GPHN: variants seen among roughly 807,000 people sequenced by gnomAD.
GPHN encodes gephyrin.
A neutral mutation model predicts 95.5 loss-of-function variants in GPHN; 17 were observed. The ratio of observed to expected loss-of-function variants is 0.18; its 90% confidence interval spans 0.12 to 0.27. GPHN has a LOEUF of 0.27. Among genes scored for constraint, GPHN ranks in the 10% least tolerant of loss-of-function variants. GPHN has a pLI of 1.00. For missense variants in GPHN, 660 were observed against 978.1 expected (o/e 0.67, Z 4.34); for synonymous variants, 320 against 322.5 (o/e 0.99, Z 0.08).
intron 4 of GPHN, among the ~76,000 whole-genome samples, chr14:66,841,221 A>T (rs1180021742): frequency 6.6e-6 from 1 of 152,016 alleles, no homozygotes; most frequent in African/African-American, 2.4e-5. Flanking sequence ...TTAACCAGGG[A>T]GGGAGGATAG....
chr14:66,695,248 A>T (rs2068039627), intron 2 of GPHN, among the ~76,000 whole-genome samples: 1 of 152,194 alleles, frequency 6.6e-6, no homozygotes, highest in East Asian at 1.9e-4. Context: ...ACCAAAGAAG[A>T]TATACAGATG....
the GPHN span, among the ~76,000 whole-genome samples, chr14:67,698,004 A>C: frequency 1.3e-5 from 2 of 152,084 alleles, no homozygotes; most frequent in African/African-American, 2.4e-5. Flanking sequence ...TACACTAGGG[A>C]CAGTAAATAA....
At chr14:67,647,098 G>C in the GPHN span, 6 of 974,464 alleles carry the variant, frequency 6.2e-6, no homozygotes, top group Admixed American at 1.2e-4. Context: ...CTTGAGGACA[G>C]CAGCTTTACT....
At chr14:66,588,468 A>G (rs1229481698) in intron 1 of GPHN, among the ~76,000 whole-genome samples, 2 of 152,114 alleles carry the variant, frequency 1.3e-5, no homozygotes, top group Non-Finnish European at 2.9e-5. Flanking sequence ...TTCTAACCCA[A>G]TGCAAGAAGC....
intron 9 of GPHN, among the ~76,000 whole-genome samples, chr14:66,987,364 C>G (rs1028659591): frequency 3.9e-5 from 6 of 152,002 alleles, no homozygotes; most frequent in African/African-American, 1.4e-4. Flanking sequence ...GTACTGTAAA[C>G]TGGATTGTAT....
chr14:66,921,118 G>A (rs2066193319), intron 6 of GPHN, among the ~76,000 whole-genome samples: 1 of 152,168 alleles, frequency 6.6e-6, no homozygotes, highest in Non-Finnish European at 1.5e-5. Flanking sequence ...ATACCCAGTA[G>A]TGGGATTGCT....
At chr14:67,486,373 C>T in the GPHN span, among the ~76,000 whole-genome samples, 251 of 152,366 alleles carry the variant, frequency 1.6e-3, 1 homozygote, top group East Asian at 0.035. Context: ...CTCCCAGGTT[C>T]AAGCGATTCT....
chr14:67,208,984 TA>T, the GPHN span, among the ~76,000 whole-genome samples: 51 of 150,886 alleles, frequency 3.4e-4, no homozygotes, highest in African/African-American at 1.2e-3. Context: ...TGATGTACCA[TA>T]AAAAAATTTC....
the GPHN span, among the ~76,000 whole-genome samples, chr14:67,483,411 C>T: frequency 5.3e-5 from 8 of 152,318 alleles, no homozygotes; most frequent in East Asian, 1.9e-4. Context: ...GCACTGCCCC[C>T]GAGGCTGACT....
intron 10 of GPHN, among the ~76,000 whole-genome samples, chr14:67,046,819 C>T (rs2075042329): frequency 6.6e-6 from 1 of 152,164 alleles, no homozygotes; most frequent in Non-Finnish European, 1.5e-5. Context: ...CAAACTCTAC[C>T]ATTGCCAGTG....
At chr14:66,508,869 C>G (rs2057905035) in intron 1 of GPHN, among the ~76,000 whole-genome samples, 1 of 152,134 alleles carries the variant, frequency 6.6e-6, no homozygotes, top group Non-Finnish European at 1.5e-5. Flanking sequence ...ACCGAGGGGC[C>G]GGTGCGGAGG....
At chr14:66,659,459 T>C (rs576756605) in intron 1 of GPHN, among the ~76,000 whole-genome samples, 59 of 152,292 alleles carry the variant, frequency 3.9e-4, no homozygotes, top group Non-Finnish European at 7.9e-4. Flanking sequence ...GTTGATACTG[T>C]TGAGTTCTTC....
At chr14:67,412,074 G>A in the GPHN span, 2 of 1,534,944 alleles carry the variant, frequency 1.3e-6, no homozygotes. Flanking sequence ...CCGCCCGCAC[G>A]CCAGGGCCAC....
At chr14:66,780,640 G>A (rs192960687) in intron 3 of GPHN, among the ~76,000 whole-genome samples, 5 of 151,356 alleles carry the variant, frequency 3.3e-5, no homozygotes, top group African/African-American at 9.7e-5. Context: ...TTTTTCCGTC[G>A]ATTACTGGTA....
At chr14:67,146,408 T>C (rs1415275396) in intron 18 of GPHN, among the ~76,000 whole-genome samples, 1 of 152,220 alleles carries the variant, frequency 6.6e-6, no homozygotes, top group Non-Finnish European at 1.5e-5. Context: ...CCTTTTGCCA[T>C]GAAAACTAAA....
the GPHN span, among the ~76,000 whole-genome samples, chr14:67,221,254 C>T: frequency 6.6e-6 from 1 of 152,198 alleles, no homozygotes; most frequent in Non-Finnish European, 1.5e-5. Flanking sequence ...TTATTTGCTA[C>T]AAGATTCCCA....
the GPHN span, chr14:67,555,753 A>G: frequency 1.3e-6 from 2 of 1,582,088 alleles, no homozygotes; most frequent in Non-Finnish European, 1.7e-6. Context: ...ACAGTTCTCT[A>G]AAGTGGCCTT....
chr14:67,311,924 G>A, the GPHN span: 1 of 152,622 alleles, frequency 6.6e-6, no homozygotes, highest in Non-Finnish European at 1.5e-5. Context: ...GAGAGTTTAA[G>A]GCATAGTTGG....
chr14:67,556,302 T>C, the GPHN span, among the ~76,000 whole-genome samples: 1 of 152,316 alleles, frequency 6.6e-6, no homozygotes, highest in African/African-American at 2.4e-5. Flanking sequence ...GAAAGAAAGC[T>C]GGATGTATTT....
Sources: gnomAD v4.1 joint callset for allele counts (sites outside exome capture counted in the v4.1 genomes callset) on GRCh38, gnomAD v4.1.1 for gene constraint, MANE v1.5 for transcripts, NCBI Gene and HGNC (gene_info 2026-07-23, HGNC 2026-07-21) for gene names.